Variants in SDK1 observed in about 807,000 individuals in gnomAD.
The protein encoded by SDK1 is protein sidekick-1.
SDK1 carries 157 observed loss-of-function variants against 245.5 expected under a neutral mutation model. The observed-to-expected ratio is 0.64, with a 90% CI of 0.56 to 0.73. The LOEUF is 0.73. Among genes scored for constraint, SDK1 ranks in the 30% least tolerant of loss-of-function variants. SDK1 has a pLI of 0.00. For synonymous variants in SDK1, 1,647 were observed against 1,278.5 expected (o/e 1.29, Z -6.15); for missense variants, 3,583 against 3,002.3 (o/e 1.19, Z -4.52).
intron 1 of SDK1, among the ~76,000 whole-genome samples, chr7:3,346,729 ATATATATACACG>A (rs1780509903): frequency 7.3e-6 from 1 of 136,432 alleles, no homozygotes. Flanking sequence ...ATGTATACAT[ATATATATACACG>A]TATATATATG....
chr7:3,494,598 T>G (rs2128606172), intron 1 of SDK1, among the ~76,000 whole-genome samples: 1 of 152,356 alleles, frequency 6.6e-6, no homozygotes, highest in Middle Eastern at 3.4e-3. Context: ...CCTTAAGTAC[T>G]TAGCATTTAT....
At chr7:3,302,083 C>A (rs902364185) in intron 1 of SDK1, 199 bp downstream of exon 1, 3 of 268,302 alleles carry the variant, frequency 1.1e-5, no homozygotes, top group African/African-American at 2.3e-5. Context: ...AGAGCCTGCA[C>A]CCCGTCTGCT....
At chr7:3,577,648 C>G (rs1023923146) in intron 1 of SDK1, among the ~76,000 whole-genome samples, 2 of 152,014 alleles carry the variant, frequency 1.3e-5, no homozygotes, top group Non-Finnish European at 2.9e-5. Flanking sequence ...AGATACTGTG[C>G]TAGGAGCTGT....
At chr7:4,258,718 T>C (rs549358284) in intron 44 of SDK1, among the ~76,000 whole-genome samples, 244 of 152,204 alleles carry the variant, frequency 1.6e-3, no homozygotes, top group Non-Finnish European at 2.7e-3. Flanking sequence ...CTTCTCTCGT[T>C]TTTCCCCACT....
At chr7:3,786,343 A>G (rs970637193) in intron 4 of SDK1, among the ~76,000 whole-genome samples, 1 of 152,222 alleles carries the variant, frequency 6.6e-6, no homozygotes. Flanking sequence ...ACCCTAGAGT[A>G]GAGGAATACG....
At chr7:3,657,933 C>G (rs1168711713) in intron 4 of SDK1, among the ~76,000 whole-genome samples, 1 of 152,164 alleles carries the variant, frequency 6.6e-6, no homozygotes. Flanking sequence ...TGAATGATAC[C>G]TTTGTCATCA....
intron 1 of SDK1, among the ~76,000 whole-genome samples, chr7:3,377,807 C>T (rs902885233): frequency 2.6e-5 from 4 of 152,110 alleles, no homozygotes; most frequent in African/African-American, 9.7e-5. Flanking sequence ...GAGACAGAGT[C>T]TCACTCTGTT....
chr7:3,777,269 T>C (rs1202064321), intron 4 of SDK1, among the ~76,000 whole-genome samples: 1 of 152,220 alleles, frequency 6.6e-6, no homozygotes, highest in Non-Finnish European at 1.5e-5. Flanking sequence ...AGCCTTGATA[T>C]TCAGATGCAG....
chr7:3,769,514 A>C (rs549087350), intron 4 of SDK1, among the ~76,000 whole-genome samples: 1 of 152,146 alleles, frequency 6.6e-6, no homozygotes, highest in Admixed American at 6.5e-5. Flanking sequence ...TTATGATCCA[A>C]TTGCCCCTAA....
At chr7:3,691,371 G>A (rs1331330053) in intron 4 of SDK1, among the ~76,000 whole-genome samples, 1 of 152,110 alleles carries the variant, frequency 6.6e-6, no homozygotes, top group Non-Finnish European at 1.5e-5. Context: ...GGATCACAGT[G>A]GACCCCTCCC....
rs936629501 is a variant in SDK1 at position 3,423,792 on chromosome 7, A to G, written c.298+121908A>G. ...TCTCTGCTTTGAAAATTATAATTCA[A>G]CCTTGTAAAATTTTTCTAACGTTGT... On this transcript the variant is annotated intron_variant, in intron 1 of 44. Transcript: ENST00000404826. Among the ~76,000 whole-genome samples, 4 of 152,114 alleles carry G rather than the reference A, an allele frequency of 2.6e-5. No homozygotes were observed. In the East Asian group the frequency reaches 5.8e-4, roughly 22 times the overall value.
At chr7:4,074,914 A>ATTTTTTT (rs1346494463) in intron 20 of SDK1, among the ~76,000 whole-genome samples, 1 of 77,126 alleles carries the variant, frequency 1.3e-5, no homozygotes, top group African/African-American at 1.0e-4. Context: ...ATATATATAT[A>ATTTTTTT]TATTTTTTTT....
chr7:3,688,462 G>C (rs766135458), intron 4 of SDK1, among the ~76,000 whole-genome samples: 4 of 152,346 alleles, frequency 2.6e-5, no homozygotes, highest in South Asian at 4.1e-4. Flanking sequence ...GTGTTATAAA[G>C]AATAAATGAG....
At chr7:3,473,402 G>A (rs1781244961) in intron 1 of SDK1, among the ~76,000 whole-genome samples, 1 of 152,184 alleles carries the variant, frequency 6.6e-6, no homozygotes, top group Non-Finnish European at 1.5e-5. Context: ...ATACTTTATA[G>A]ATTTACTTCT....
chr7:4,064,706 A>G (rs1351579234), intron 19 of SDK1, among the ~76,000 whole-genome samples: 1 of 152,206 alleles, frequency 6.6e-6, no homozygotes. Context: ...TGGTGTATAT[A>G]CATAGTGGAA....
At chr7:3,333,307 C>T (rs1264576533) in intron 1 of SDK1, among the ~76,000 whole-genome samples, 1 of 152,124 alleles carries the variant, frequency 6.6e-6, no homozygotes, top group African/African-American at 2.4e-5. Flanking sequence ...CTAGGGAGGT[C>T]ACTGGTGTTT....
intron 38 of SDK1, among the ~76,000 whole-genome samples, chr7:4,212,655 G>GC (rs1250031160): frequency 6.6e-6 from 1 of 152,214 alleles, no homozygotes; most frequent in Non-Finnish European, 1.5e-5. Context: ...CCAGAAGCAG[G>GC]CATGCCATTT....
intron 4 of SDK1, among the ~76,000 whole-genome samples, chr7:3,736,859 G>A (rs896967619): frequency 1.2e-4 from 18 of 152,138 alleles, no homozygotes; most frequent in Non-Finnish European, 2.6e-4. Context: ...ATTAACTGCA[G>A]TCACCACGCT....
chr7:3,847,495 A>T (rs1394852986), intron 5 of SDK1, among the ~76,000 whole-genome samples: 2 of 152,264 alleles, frequency 1.3e-5, no homozygotes. Context: ...CCACAAGAGT[A>T]GTAAGTGACA....
Sources: gnomAD v4.1 joint callset for allele counts (sites outside exome capture counted in the v4.1 genomes callset) on GRCh38, gnomAD v4.1.1 for gene constraint, MANE v1.5 for transcripts, NCBI Gene and HGNC (gene_info 2026-07-23, HGNC 2026-07-21) for gene names.